The following ENTREP2 variants were observed in gnomAD, a reference collection of about 807,000 sequenced individuals.
ENTREP2 encodes the protein endosomal transmembrane epsin interactor 2.
At chr15:29,303,621 G>A in the ENTREP2 span, among the ~76,000 whole-genome samples, 2 of 152,058 alleles carry the variant, frequency 1.3e-5, no homozygotes, top group Non-Finnish European at 1.5e-5. Flanking sequence ...GACAGGTAGT[G>A]TTTTGATCCT....
chr15:29,132,280 A>G, the ENTREP2 span, among the ~76,000 whole-genome samples: 1 of 152,178 alleles, frequency 6.6e-6, no homozygotes, highest in African/African-American at 2.4e-5. Flanking sequence ...CTGGTGGTGC[A>G]GCTGGCGGCA....
chr15:29,570,611 G>T, the ENTREP2 span: 1 of 1,450,120 alleles, frequency 6.9e-7, no homozygotes, highest in Non-Finnish European at 9.1e-7. Context: ...CGCCATCTGC[G>T]TGGCCCCGAG....
chr15:29,154,179 T>C, the ENTREP2 span, among the ~76,000 whole-genome samples: 4 of 152,234 alleles, frequency 2.6e-5, no homozygotes, highest in African/African-American at 9.6e-5. Flanking sequence ...TTTTTGAAGA[T>C]GCCAGGGGAT....
the ENTREP2 span, among the ~76,000 whole-genome samples, chr15:29,159,239 G>C: frequency 6.6e-6 from 1 of 152,052 alleles, no homozygotes; most frequent in Admixed American, 6.5e-5. Flanking sequence ...CCTCCGCGGT[G>C]AGTGTTACAG....
the ENTREP2 span, among the ~76,000 whole-genome samples, chr15:29,485,970 A>T: frequency 0.044 from 6,638 of 152,254 alleles, 479 homozygotes; most frequent in African/African-American, 0.15. Flanking sequence ...AAAAAAGTAA[A>T]AACAGAACTA....
chr15:29,436,327 G>A, the ENTREP2 span, among the ~76,000 whole-genome samples: 1 of 152,160 alleles, frequency 6.6e-6, no homozygotes, highest in African/African-American at 2.4e-5. Context: ...CTGAGGAAGC[G>A]CCTCTACTCA....
the ENTREP2 span, among the ~76,000 whole-genome samples, chr15:29,357,693 G>C: frequency 2.6e-5 from 4 of 152,008 alleles, no homozygotes; most frequent in African/African-American, 9.7e-5. Flanking sequence ...AAAAAAATTA[G>C]CCGGGCGTGG....
At chr15:29,492,179 A>G in the ENTREP2 span, among the ~76,000 whole-genome samples, 1 of 152,122 alleles carries the variant, frequency 6.6e-6, no homozygotes, top group Non-Finnish European at 1.5e-5. Context: ...TATTGCATGT[A>G]ACTTACTTCA....
At chr15:29,293,467 A>G in the ENTREP2 span, among the ~76,000 whole-genome samples, 38 of 151,398 alleles carry the variant, frequency 2.5e-4, no homozygotes, top group East Asian at 3.9e-4. Flanking sequence ...CGTTTTAGCC[A>G]GGATGGTCTC....
the ENTREP2 span, among the ~76,000 whole-genome samples, chr15:29,223,733 G>A: frequency 1.2e-4 from 18 of 152,194 alleles, no homozygotes; most frequent in Non-Finnish European, 2.2e-4. Context: ...GGAATGGAAA[G>A]GTAGCCAGAG....
the ENTREP2 span, among the ~76,000 whole-genome samples, chr15:29,210,240 C>A: frequency 1.3e-5 from 2 of 152,172 alleles, no homozygotes; most frequent in African/African-American, 4.8e-5. Context: ...AGGTACTAGA[C>A]AACTGGGGGC....
chr15:29,128,809 C>A, the ENTREP2 span: 2 of 1,550,970 alleles, frequency 1.3e-6, no homozygotes, highest in Admixed American at 2.0e-5. Context: ...GAAGCCAGCA[C>A]TGGTGTTTGG....
chr15:29,465,589 G>T, the ENTREP2 span, among the ~76,000 whole-genome samples: 1 of 152,134 alleles, frequency 6.6e-6, no homozygotes. Flanking sequence ...AGTCCTGACC[G>T]CAGCCAGGCA....
At chr15:29,332,601 A>G in the ENTREP2 span, among the ~76,000 whole-genome samples, 22 of 152,310 alleles carry the variant, frequency 1.4e-4, no homozygotes, top group Admixed American at 1.4e-3. Flanking sequence ...GCCACAGACA[A>G]TAGTGCCCAA....
chr15:29,653,994 T>C, the ENTREP2 span, among the ~76,000 whole-genome samples: 1 of 152,208 alleles, frequency 6.6e-6, no homozygotes. Context: ...CTTATGATGC[T>C]AACATGTTCT....
At chr15:29,438,698 G>A in the ENTREP2 span, among the ~76,000 whole-genome samples, 1 of 151,958 alleles carries the variant, frequency 6.6e-6, no homozygotes, top group Admixed American at 6.6e-5. Flanking sequence ...TTTGTTTTTT[G>A]CTGAAGGCTG....
the ENTREP2 span, among the ~76,000 whole-genome samples, chr15:29,210,473 C>T: frequency 4.0e-4 from 61 of 152,340 alleles, no homozygotes; most frequent in African/African-American, 1.2e-3. Context: ...GCCTGAGCTC[C>T]GCCTCCTGTC....
chr15:29,183,325 C>T, the ENTREP2 span, among the ~76,000 whole-genome samples: 1 of 152,174 alleles, frequency 6.6e-6, no homozygotes, highest in Non-Finnish European at 1.5e-5. Flanking sequence ...CATCGAGAAG[C>T]AAGGCTGCCT....
At chr15:29,450,170 T>C in the ENTREP2 span, among the ~76,000 whole-genome samples, 9 of 152,202 alleles carry the variant, frequency 5.9e-5, no homozygotes, top group African/African-American at 2.2e-4. Context: ...ATGCATAGTT[T>C]GCAAATATTT....
Sources: allele counts gnomAD v4.1 joint callset (sites outside exome capture counted in the v4.1 genomes callset), GRCh38; gene constraint gnomAD v4.1.1; transcripts MANE v1.5; gene names NCBI Gene and HGNC (gene_info 2026-07-23, HGNC 2026-07-21).